ARHGEF4: variants seen among roughly 807,000 people sequenced by gnomAD.
ARHGEF4 encodes Rho guanine nucleotide exchange factor 4.
In ARHGEF4, 119 loss-of-function variants were observed where a neutral mutation model predicts 162.0. The observed-to-expected ratio is 0.73, with a 90% CI of 0.63 to 0.86. The LOEUF (loss-of-function observed/expected upper bound fraction) is 0.86. ARHGEF4 is among the 40% of genes least tolerant of loss of function. The pLI is 0.00. For missense variants in ARHGEF4, 2,488 were observed against 2,456.0 expected, an observed-to-expected ratio of 1.01 and a Z score of -0.28; for synonymous variants, 1,014 against 979.9, an observed-to-expected ratio of 1.03 and a Z score of -0.65.
At chr2:130,845,596 C>T (rs1418579588) in intron 1 of ARHGEF4, among the ~76,000 whole-genome samples, 3 of 152,102 alleles carry the variant, frequency 2.0e-5, no homozygotes, top group Non-Finnish European at 4.4e-5. Flanking sequence ...TGCACCCAGC[C>T]TAGAAAGTGT....
At chr2:130,908,812 T>C (rs1680999869) in intron 1 of ARHGEF4, among the ~76,000 whole-genome samples, 1 of 152,056 alleles carries the variant, frequency 6.6e-6, no homozygotes, top group Non-Finnish European at 1.5e-5. Flanking sequence ...ATATATAAGG[T>C]ATACAAAGAA....
chr2:131,009,241 G>T (rs1688306005), intron 4 of ARHGEF4, among the ~76,000 whole-genome samples: 1 of 152,110 alleles, frequency 6.6e-6, no homozygotes, highest in Non-Finnish European at 1.5e-5. Flanking sequence ...AAATATTTTT[G>T]TTGTTGTAGA....
intron 1 of ARHGEF4, among the ~76,000 whole-genome samples, chr2:130,899,967 C>A (rs1276954381): frequency 2.0e-5 from 3 of 151,938 alleles, no homozygotes; most frequent in African/African-American, 7.3e-5. Context: ...TAAAACTTTC[C>A]TTGAGACTTC....
At chr2:130,851,466 C>T (rs556148247) in intron 1 of ARHGEF4, among the ~76,000 whole-genome samples, 2 of 152,222 alleles carry the variant, frequency 1.3e-5, no homozygotes, top group Non-Finnish European at 1.5e-5. Flanking sequence ...GAACCGGGTG[C>T]GGTTCATGCG....
chr2:131,031,307 A>C (rs746241288), intron 5 of ARHGEF4, among the ~76,000 whole-genome samples: 2 of 152,196 alleles, frequency 1.3e-5, no homozygotes, highest in African/African-American at 2.4e-5. Context: ...TGGCCTGGAG[A>C]GCGGCCCACT....
At position 131,047,055 on chromosome 2, in the gene ARHGEF4, C is replaced by T. The variant is rs1691318692; in HGVS notation, c.*866C>T. ...AGACCGAATTCTGTGGCTCAGCACA[C>T]AGGACTGACCCACAGCCCAGGCAGC... is the stretch of plus-strand genomic sequence containing the variant. On this transcript the variant is annotated 3_prime_UTR_variant, in exon 14 of 14. Transcript: ENST00000409359. The T allele has an allele frequency of 6.6e-6, 1 of 152,506 alleles. No homozygotes were observed. Among genetic ancestry groups the T allele is most frequent in the Non-Finnish European group, 1.5e-5 (1 of 68,058 alleles). 9.4% of individuals were successfully genotyped at this position (152,506 alleles called of 1,614,324 possible).
At chr2:130,844,146 G>A (rs995461164) in intron 1 of ARHGEF4, among the ~76,000 whole-genome samples, 1 of 152,272 alleles carries the variant, frequency 6.6e-6, no homozygotes, top group Non-Finnish European at 1.5e-5. Context: ...CTCCCGCTGA[G>A]CGCAACTAGC....
intron 5 of ARHGEF4, among the ~76,000 whole-genome samples, chr2:131,030,297 G>A (rs373547044): frequency 6.6e-6 from 1 of 152,224 alleles, no homozygotes; most frequent in South Asian, 2.1e-4. Context: ...TGCTTTGGCC[G>A]AGAAAGGCCA....
intron 1 of ARHGEF4, 66 bp from the exon 2 acceptor site, chr2:130,913,920 C>T (rs1681342099): frequency 7.3e-6 from 11 of 1,513,760 alleles, no homozygotes; most frequent in African/African-American, 1.4e-5. Flanking sequence ...AAGGCAGGCA[C>T]GGTGTAAACA....
chr2:130,989,189 A>C (rs1209776366), intron 4 of ARHGEF4, among the ~76,000 whole-genome samples: 1 of 151,986 alleles, frequency 6.6e-6, no homozygotes, highest in Non-Finnish European at 1.5e-5. Flanking sequence ...TCGAACTCCT[A>C]ACCTCAGGTG....
At chr2:130,919,641 C>G (rs1267983003) in intron 2 of ARHGEF4, among the ~76,000 whole-genome samples, 1 of 152,048 alleles carries the variant, frequency 6.6e-6, no homozygotes, top group East Asian at 1.9e-4. Context: ...TTTGGGAGGC[C>G]GAAGCGGGCG....
At chr2:130,975,583 C>A (rs1254413788) in intron 4 of ARHGEF4, among the ~76,000 whole-genome samples, 1 of 152,214 alleles carries the variant, frequency 6.6e-6, no homozygotes, top group Non-Finnish European at 1.5e-5. Context: ...GGAAGTGACT[C>A]TTGTCCCCAT....
chr2:130,875,993 G>A (rs977153928), intron 1 of ARHGEF4, among the ~76,000 whole-genome samples: 2 of 152,128 alleles, frequency 1.3e-5, no homozygotes, highest in South Asian at 2.1e-4. Flanking sequence ...CCATCACGCC[G>A]CTTCACTGCG....
chr2:130,843,573 C>G (rs191908486), intron 1 of ARHGEF4, among the ~76,000 whole-genome samples: 4 of 152,244 alleles, frequency 2.6e-5, no homozygotes, highest in African/African-American at 4.8e-5. Flanking sequence ...TCCTCTCCCC[C>G]ACTGCTCTTC....
Position 130,914,840 on chromosome 2 carries a change from G to A in ARHGEF4, c.894G>A (p.Leu298=). ...PHSDVPCQPP[L]RTSCLLRTNR... Reference sequence around the variant, plus strand: ...CGGATGTCCCCTGCCAGCCTCCTTTGAGGACATCTTGCCTCCTACGCACCA... The same window carrying A: ...CGGATGTCCCCTGCCAGCCTCCTTTAAGGACATCTTGCCTCCTACGCACCA... Residue 298 remains leucine (L), a synonymous_variant, in exon 2 of 14, where the codon TTG becomes TTA. Coordinates refer to ENST00000409359, the MANE Select transcript of ARHGEF4 (RefSeq NM_001367493.1). 6 of 1,464,788 alleles carry A rather than the reference G, an allele frequency of 4.1e-6. No homozygotes were observed. The highest frequency in any genetic ancestry group is 2.5e-5 in the East Asian group (1 of 40,278). 90.7% of individuals were successfully genotyped at this position (1,464,788 alleles called of 1,614,324 possible).
chr2:130,968,798 G>A (rs1002485147), intron 4 of ARHGEF4, among the ~76,000 whole-genome samples: 2 of 152,098 alleles, frequency 1.3e-5, no homozygotes, highest in Non-Finnish European at 2.9e-5. Context: ...CGCGCCTGTA[G>A]TCCCAGCTAC....
At chr2:131,035,989 A>G (rs186395052) in intron 5 of ARHGEF4, among the ~76,000 whole-genome samples, 4 of 152,190 alleles carry the variant, frequency 2.6e-5, no homozygotes, top group African/African-American at 7.2e-5. Flanking sequence ...TCAAATGTGC[A>G]CCTCCATTGG....
intron 4 of ARHGEF4, among the ~76,000 whole-genome samples, chr2:131,011,388 GTTT>G (rs1688438870): frequency 6.6e-6 from 1 of 152,148 alleles, no homozygotes; most frequent in Non-Finnish European, 1.5e-5. Flanking sequence ...TAGCAAATTT[GTTT>G]TATCTGTCTT....
chr2:130,871,560 T>C (rs1006380365), intron 1 of ARHGEF4, among the ~76,000 whole-genome samples: 1 of 145,632 alleles, frequency 6.9e-6, no homozygotes, highest in African/African-American at 2.6e-5. Context: ...TATATACATA[T>C]ATATATACAC....
Sources: gnomAD v4.1 joint callset for allele counts (sites outside exome capture counted in the v4.1 genomes callset) on GRCh38, gnomAD v4.1.1 for gene constraint, MANE v1.5 for transcripts, NCBI Gene and HGNC (gene_info 2026-07-23, HGNC 2026-07-21) for gene names.